The following AMBRA1 variants were observed in gnomAD, a reference collection of about 807,000 sequenced individuals.
AMBRA1 encodes activating molecule in BECN1-regulated autophagy protein 1.
AMBRA1 carries 47 observed loss-of-function variants against 125.4 expected under a neutral mutation model. The ratio of observed to expected loss-of-function variants is 0.37; its 90% CI spans 0.30 to 0.48. AMBRA1 has a LOEUF of 0.48. Ranked by LOEUF, AMBRA1 falls within the 20% of genes least tolerant of loss-of-function variation. The pLI is 0.99. For synonymous variants in AMBRA1, 626 were observed against 655.5 expected (o/e 0.95, Z 0.69); for missense variants, 1,331 against 1,693.4 (o/e 0.79, Z 3.76).
At chr11:46,463,263 A>C (rs1383246882) in intron 11 of AMBRA1, among the ~76,000 whole-genome samples, 2 of 152,178 alleles carry the variant, frequency 1.3e-5, no homozygotes, top group Non-Finnish European at 2.9e-5. Context: ...CAAAATCTAC[A>C]AGCCAAGTAT....
Position 46,397,664 on chromosome 11 carries a change from G to A in AMBRA1, c.3683C>T (p.Pro1228Leu). The change falls in exon 18 of 18, where the codon CCC (proline) becomes CTC (leucine). Residue 1228 changes from proline (P) to leucine (L), a missense_variant. Pro to Leu is a moderately conservative substitution (Grantham distance 98). Around this residue, in one of 4 missense-constraint regions of AMBRA1, gnomAD observed 144 missense variants for 133.9 expected, o/e 1.08. Transcript: ENST00000683756. ...AGGCTGGTCCCAGGAAGCTGTCCGG[G>A]GGCTTAGGCCTCGCTCTGCCAGTTG... ...AGQLAERGLS[P>L]RTASWDQPGT... 3 of 1,613,174 alleles carry A rather than the reference G, an allele frequency of 1.9e-6. No individual in the cohort carries two copies. Among genetic ancestry groups the A allele is most frequent in the Non-Finnish European group, 2.5e-6 (3 of 1,179,464 alleles).
At chr11:46,438,143 A>C (rs1282950042) in intron 12 of AMBRA1, among the ~76,000 whole-genome samples, 1 of 152,218 alleles carries the variant, frequency 6.6e-6, no homozygotes, top group Non-Finnish European at 1.5e-5. Flanking sequence ...TATTGGAAAA[A>C]AATGATGGGG....
chr11:46,439,500 T>C (rs1044923587), intron 12 of AMBRA1, among the ~76,000 whole-genome samples: 2 of 152,118 alleles, frequency 1.3e-5, no homozygotes, highest in Non-Finnish European at 2.9e-5. Context: ...GGGGGGGAAA[T>C]TGGATCATAC....
chr11:46,476,689 T>C (rs1949825489), intron 11 of AMBRA1, among the ~76,000 whole-genome samples: 1 of 152,232 alleles, frequency 6.6e-6, no homozygotes, highest in South Asian at 2.1e-4. Context: ...TTACCACTTT[T>C]CCCCAGTTGC....
chr11:46,542,751 T>C lies in AMBRA1; in HGVS notation c.1266A>G (p.Thr422=). The C allele has an allele frequency of 1.9e-6, 3 of 1,613,898 alleles. No individual in the cohort carries two copies. The highest frequency in any genetic ancestry group is 2.5e-6 in the Non-Finnish European group (3 of 1,180,006). The change falls in exon 7 of 18, where the codon ACA becomes ACG. Residue 422 remains threonine (T), a synonymous_variant. Coordinates refer to ENST00000683756, the MANE Select transcript of AMBRA1 (RefSeq NM_001387011.1). This position sits in a 1 kb window ranked among gnomAD's most constrained non-coding sequence, Gnocchi z 5.9. The stretch of plus-strand genomic sequence containing the variant: ...CAGAGCGGGAGTTCAGACTGAGTAC[T>C]GTCCGGGTCCACTCAGATCCTGTCA... ...PGLTGSEWTR[T]VLSLNSRSEA...
intron 11 of AMBRA1, among the ~76,000 whole-genome samples, chr11:46,489,466 AAAG>A (rs139369669): frequency 0.012 from 1,832 of 152,240 alleles, 44 homozygotes; most frequent in African/African-American, 0.042. Context: ...TTATATTTAA[AAAG>A]AAGAAGAAGG....
At chr11:46,439,062 GGAGCTC>G (rs1012098918) in intron 12 of AMBRA1, among the ~76,000 whole-genome samples, 2 of 152,084 alleles carry the variant, frequency 1.3e-5, no homozygotes, top group African/African-American at 4.8e-5. Flanking sequence ...CTTGAGGTCA[GGAGCTC>G]GAGACCAGCC....
chr11:46,408,379 G>T, intron 17 of AMBRA1, 134 bp downstream of exon 17: 1 of 938,618 alleles, frequency 1.1e-6, no homozygotes, highest in Non-Finnish European at 1.4e-6. Context: ...CCATGTCGCT[G>T]CTGAGGAGGC....
chr11:46,444,127 T>C (rs750614267), intron 11 of AMBRA1, among the ~76,000 whole-genome samples: 3 of 152,228 alleles, frequency 2.0e-5, no homozygotes, highest in Non-Finnish European at 2.9e-5. Flanking sequence ...ATACAGCTGA[T>C]TGGATAGAAA....
intron 11 of AMBRA1, among the ~76,000 whole-genome samples, chr11:46,488,357 GA>G (rs1950334274): frequency 6.6e-6 from 1 of 152,092 alleles, no homozygotes; most frequent in Admixed American, 6.5e-5. Context: ...TCAGGAGGCT[GA>G]GGCAGGAGAA....
rs2044698551 is a variant in AMBRA1 at position 46,593,978 on chromosome 11, C to A, written c.-271G>T. Reference sequence around the variant, plus strand: ...GCGCGGGGCCTCGCGGACAACTCAGCCCTCGACCCGGCGCCGCCGCCGCTC... The same window carrying A: ...GCGCGGGGCCTCGCGGACAACTCAGACCTCGACCCGGCGCCGCCGCCGCTC... On this transcript the variant is annotated 5_prime_UTR_variant, in exon 1 of 18. Transcript: ENST00000683756. 2 of 398,574 alleles carry A rather than the reference C, an allele frequency of 5.0e-6. No homozygotes were observed. Among genetic ancestry groups the A allele is most frequent in the Non-Finnish European group, 8.8e-6 (2 of 226,124 alleles). The allele number at this position is 398,574 out of a possible 1,614,324, so 24.7% of individuals were successfully genotyped here.
intron 11 of AMBRA1, among the ~76,000 whole-genome samples, chr11:46,452,628 T>G (rs989619939): frequency 1.4e-4 from 21 of 152,238 alleles, no homozygotes; most frequent in Admixed American, 1.1e-3. Flanking sequence ...GGAAGAACAC[T>G]TAATCTTCTT....
At chr11:46,586,413 AT>A (rs1386281187) in intron 1 of AMBRA1, among the ~76,000 whole-genome samples, 1 of 152,100 alleles carries the variant, frequency 6.6e-6, no homozygotes, top group Non-Finnish European at 1.5e-5. Context: ...TAAAAAAATA[AT>A]TTTTTAATTA....
At chr11:46,572,768 C>T (rs1010926984) in intron 1 of AMBRA1, among the ~76,000 whole-genome samples, 8 of 152,110 alleles carry the variant, frequency 5.3e-5, no homozygotes, top group Admixed American at 2.6e-4. Flanking sequence ...TATCATCCCC[C>T]CACTGTACAT....
At chr11:46,553,814 C>G (rs1458882603) in intron 1 of AMBRA1, among the ~76,000 whole-genome samples, 1 of 151,984 alleles carries the variant, frequency 6.6e-6, no homozygotes, top group Non-Finnish European at 1.5e-5. Context: ...ACAGAGTTAC[C>G]TAAGGAGTGA....
intron 14 of AMBRA1, among the ~76,000 whole-genome samples, chr11:46,433,120 T>TCACA (rs537064787): frequency 6.6e-6 from 1 of 152,012 alleles, no homozygotes; most frequent in African/African-American, 2.4e-5. Context: ...GCTTGTTCCC[T>TCACA]CACACACACA....
intron 11 of AMBRA1, among the ~76,000 whole-genome samples, chr11:46,460,129 A>G (rs897183801): frequency 4.6e-5 from 7 of 152,252 alleles, no homozygotes; most frequent in Admixed American, 6.5e-5. Flanking sequence ...AGGGCACATT[A>G]TAAGAGTGAA....
At chr11:46,499,555 C>T (rs1050145538) in intron 9 of AMBRA1, among the ~76,000 whole-genome samples, 1 of 152,168 alleles carries the variant, frequency 6.6e-6, no homozygotes, top group Non-Finnish European at 1.5e-5. Flanking sequence ...TACATTGAGG[C>T]TCGACAGGTA....
Position 46,543,873 on chromosome 11 carries a change from C to G in AMBRA1, c.618+102G>C. 3 of 950,698 alleles carry G rather than the reference C, an allele frequency of 3.2e-6. No individual in the cohort carries two copies. The South Asian group carries it at 4.4e-5, about 14-fold the overall frequency. 58.9% of individuals were successfully genotyped at this position (950,698 alleles called of 1,614,324 possible). On this transcript the variant is annotated intron_variant, in intron 6 of 17. Transcript: ENST00000683756. ...TTAAATCTTGACTGGAAAGATAAGA[C>G]TTGGGTATTGAGAATTAAAATCCAA...
Sources: allele counts gnomAD v4.1 joint callset (sites outside exome capture counted in the v4.1 genomes callset), GRCh38; gene constraint gnomAD v4.1.1; regional missense constraint gnomAD v4.1.1; non-coding constraint Gnocchi (gnomAD v3.1); transcripts MANE v1.5; gene names NCBI Gene and HGNC (gene_info 2026-07-23, HGNC 2026-07-21).